LILRB3: variants seen among roughly 807,000 people sequenced by gnomAD.
The protein encoded by LILRB3 is leukocyte immunoglobulin-like receptor subfamily B member 3.
LILRB3 carries 32 observed loss-of-function variants against 68.2 expected under a neutral mutation model. That is an observed-to-expected ratio of 0.47 (90% CI 0.35 to 0.63). The LOEUF is 0.63. Ranked by LOEUF, LILRB3 falls within the 30% of genes least tolerant of loss-of-function variation. LILRB3 has a pLI of 0.00. For missense variants in LILRB3, 502 were observed against 791.3 expected (o/e 0.63, Z 4.39); for synonymous variants, 185 against 323.1 (o/e 0.57, Z 4.58).
chr19:54,219,330 G>T (rs1406153951), intron 7 of LILRB3, 85 bp from the exon 8 acceptor site: 2 of 1,489,756 alleles, frequency 1.3e-6, no homozygotes, highest in Non-Finnish European at 1.8e-6. Context: ...TCTTTCCTTC[G>T]TGACCTCCAA....
chr19:54,216,930 T>A, exon 13 of LILRB3: 4 of 1,462,962 alleles, frequency 2.7e-6, no homozygotes, highest in Non-Finnish European at 2.7e-6. Context: ...ATATTAGTCA[T>A]CTTTGAGTCA....
At chr19:54,218,732 T>C (rs1568948510) in intron 9 of LILRB3, 31 bp downstream of exon 9, 2 of 1,613,944 alleles carry the variant, frequency 1.2e-6, no homozygotes, top group Non-Finnish European at 1.7e-6. Context: ...CTGTGGTGGG[T>C]GGGAGTCTGT....
chr19:54,218,258 C>G (rs1329667730), intron 11 of LILRB3, 103 bp downstream of exon 11: 1 of 1,475,766 alleles, frequency 6.8e-7, no homozygotes, highest in Non-Finnish European at 9.5e-7. Flanking sequence ...GAGGGGTCCA[C>G]CGTGACGATG....
rs1568932901 is a variant in LILRB3, at chr19:54,217,156, A to AG, written c.1832dup (p.Pro612SerfsTer10). The AG allele has an allele frequency of 6.2e-7, 1 of 1,613,270 alleles. No homozygotes were observed. Among genetic ancestry groups the AG allele is most frequent in the African/African-American group, 1.3e-5 (1 of 74,510 alleles). Reference sequence around the variant, plus strand: ...CTGGAGGTTCCCCTTCCTGGGATGGAGGAGGCTCAGTTGCCTTCCGTCTAA... The same window carrying AG: ...CTGGAGGTTCCCCTTCCTGGGATGGAGGGAGGCTCAGTTGCCTTCCGTCTAA... On this transcript the variant is annotated frameshift_variant, in exon 13 of 13. Coordinates refer to ENST00000445347, the Ensembl canonical transcript of LILRB3. LOFTEE classifies it low-confidence loss of function (END_TRUNC).
chr19:54,216,982 T>G, exon 13 of LILRB3: 1 of 1,582,560 alleles, frequency 6.3e-7, no homozygotes, highest in Non-Finnish European at 8.6e-7. Flanking sequence ...ATGGTCTGTG[T>G]TAGGGGTCCA....
In LILRB3 at chr19:54,217,469, TG is replaced by T; in HGVS notation, c.1598del (p.Pro533HisfsTer9). ...TCACTGCCTGGGGGTCTTCATCGTGTGGGCTCTGCTGGAGAGAGACAGTGGT... is the reference window on the plus strand; with the variant it reads ...TCACTGCCTGGGGGTCTTCATCGTGTGGCTCTGCTGGAGAGAGACAGTGGT... On this transcript the variant is annotated frameshift_variant, in exon 12 of 13. Transcript: ENST00000445347. LOFTEE classifies it high-confidence loss of function. 1 of 1,608,128 alleles carries T rather than the reference TG, an allele frequency of 6.2e-7. No homozygotes were observed. Among genetic ancestry groups the T allele is most frequent in the Non-Finnish European group, 8.5e-7 (1 of 1,178,000 alleles).
intron 7 of LILRB3, 96 bp from the exon 8 acceptor site, chr19:54,219,341 C>T: frequency 6.8e-7 from 1 of 1,479,866 alleles, no homozygotes; most frequent in Admixed American, 2.1e-5. Context: ...TGACCTCCAA[C>T]CCTCACAAGC....
intron 11 of LILRB3, 33 bp from the exon 12 acceptor site, chr19:54,217,507 T>C: frequency 1.3e-6 from 2 of 1,590,300 alleles, no homozygotes; most frequent in South Asian, 1.1e-5. Flanking sequence ...GGGGGTGTCC[T>C]TGAGTCCCCC....
chr19:54,222,693 G>A, intron 2 of LILRB3, 54 bp downstream of exon 2: 2 of 1,612,478 alleles, frequency 1.2e-6, no homozygotes, highest in Non-Finnish European at 1.7e-6. Flanking sequence ...GCCCATGGGT[G>A]GCCCCCTGTC....
intron 7 of LILRB3, 194 bp from the exon 8 acceptor site, chr19:54,219,439 C>T: frequency 3.9e-6 from 6 of 1,520,928 alleles, no homozygotes; most frequent in Non-Finnish European, 5.4e-6. Flanking sequence ...CTGCCCCAGG[C>T]CTCCAGCGAG....
intron 8 of LILRB3, 144 bp from the exon 9 acceptor site, chr19:54,218,982 A>C: frequency 6.6e-7 from 1 of 1,524,038 alleles, no homozygotes; most frequent in Non-Finnish European, 8.8e-7. Flanking sequence ...AACTCCCATG[A>C]ATACTGAAGT....
chr19:54,219,764 G>A, intron 7 of LILRB3: 1 of 1,484,534 alleles, frequency 6.7e-7, no homozygotes, highest in Non-Finnish European at 9.1e-7. Flanking sequence ...GGCAGGGGAG[G>A]GGCCTGTCCA....
intron 1 of LILRB3, 37 bp from the exon 2 acceptor site, chr19:54,222,819 G>T: frequency 6.2e-7 from 1 of 1,612,636 alleles, no homozygotes; most frequent in Non-Finnish European, 8.5e-7. Context: ...TTGCCCTGAA[G>T]CCTGAGCAGG....
chr19:54,218,875 A>T, intron 8 of LILRB3, 37 bp from the exon 9 acceptor site: 1 of 1,613,950 alleles, frequency 6.2e-7, no homozygotes, highest in South Asian at 1.1e-5. Context: ...CCCTGGGAAC[A>T]TTAGAACTCC....
At chr19:54,216,298 A>G (rs369967826) in exon 13 of LILRB3, 1 of 136,692 alleles carries the variant, frequency 7.3e-6, no homozygotes, top group Admixed American at 7.4e-5. Context: ...CTTCTTTTTT[A>G]TTTTTTTTCT....
chr19:54,219,678 A>G (rs2077889133), intron 7 of LILRB3: 1 of 985,074 alleles, frequency 1.0e-6, no homozygotes, highest in African/African-American at 1.7e-5. Flanking sequence ...AGGAGGTCAC[A>G]GCTGGGGGTC....
At chr19:54,219,298 C>T (rs574363725) in intron 7 of LILRB3, 53 bp from the exon 8 acceptor site, 1 of 1,515,174 alleles carries the variant, frequency 6.6e-7, no homozygotes, top group East Asian at 2.5e-5. Flanking sequence ...TGAGCACCTA[C>T]TGTGTGCAGG....
exon 12 of LILRB3, chr19:54,217,434 G>C (rs756766413): frequency 3.1e-6 from 5 of 1,595,786 alleles, no homozygotes; most frequent in Non-Finnish European, 3.4e-6. Flanking sequence ...GTGTTTCACC[G>C]GGGCATACGT....
In LILRB3 at chr19:54,222,971, C is replaced by T. The variant is rs138124247; in HGVS notation, c.6G>A (p.Thr2=). 6.3e-5 allele frequency: 101 copies of T among 1,612,242 alleles called. 2 individuals are homozygous for T. The highest frequency in any genetic ancestry group is 7.6e-5 in the Non-Finnish European group (90 of 1,179,854). The change falls in exon 1 of 13, where the codon ACG becomes ACA. Residue 2 remains threonine, a synonymous_variant. Coordinates refer to ENST00000445347, the Ensembl canonical transcript of LILRB3. ...GGCAGAGCAGGGCTGTGAGGGCGGGCGTCATGGCGTCTCCTCCCGGTGACC... is the reference window on the plus strand; with the variant it reads ...GGCAGAGCAGGGCTGTGAGGGCGGGTGTCATGGCGTCTCCTCCCGGTGACC...
Sources: gnomAD v4.1 joint callset for allele counts on GRCh38, gnomAD v4.1.1 for gene constraint, MANE v1.5 for transcripts, NCBI Gene and HGNC (gene_info 2026-07-23, HGNC 2026-07-21) for gene names.